Variants in OSBPL10 observed in about 807,000 individuals in gnomAD.
OSBPL10 encodes the protein oxysterol binding protein like 10.
Under a neutral mutation model 81.7 loss-of-function variants are expected in OSBPL10, and 49 were observed. The observed-to-expected ratio is 0.60, with a 90% CI of 0.48 to 0.76. The LOEUF is 0.76. Ranked by LOEUF, OSBPL10 falls within the 30% of genes least tolerant of loss-of-function variation. OSBPL10 has a pLI of 0.00. For missense variants in OSBPL10, 923 were observed against 987.8 expected (o/e 0.93, Z 0.88); for synonymous variants, 419 against 383.6 (o/e 1.09, Z -1.08).
chr3:31,764,534 G>A (rs1310394500), intron 4 of OSBPL10, among the ~76,000 whole-genome samples: 1 of 152,178 alleles, frequency 6.6e-6, no homozygotes, highest in Non-Finnish European at 1.5e-5. Flanking sequence ...AAGAAGGATC[G>A]AGTTCCAAAG....
In OSBPL10 at chr3:31,851,035, A is replaced by C. The variant is rs558039008; in HGVS notation, c.538-20804T>G. ...GGCTTCAAAACCAGAAAATCAAAGC[A>C]GTTATCCAAGGTCAGTATTTAAGTT... On this transcript the variant is annotated intron_variant, in intron 3 of 11. Coordinates refer to ENST00000396556, the MANE Select transcript of OSBPL10 (RefSeq NM_017784.5). Among the ~76,000 whole-genome samples, 13 of 152,344 alleles carry C rather than the reference A, an allele frequency of 8.5e-5. No homozygotes were observed. The East Asian group carries it at 1.5e-3, about 18-fold the overall frequency.
At chr3:31,712,820 A>G (rs949210574) in intron 6 of OSBPL10, among the ~76,000 whole-genome samples, 44 of 152,230 alleles carry the variant, frequency 2.9e-4, no homozygotes, top group Admixed American at 1.1e-3. Flanking sequence ...CAGACCTTTC[A>G]ATTCATACCT....
At chr3:32,018,196 T>C (rs977260309) in intron 2 of OSBPL10, among the ~76,000 whole-genome samples, 7 of 149,546 alleles carry the variant, frequency 4.7e-5, no homozygotes, top group Non-Finnish European at 1.0e-4. Flanking sequence ...ATAAATAAAA[T>C]GTCAAAAATT....
chr3:31,752,589 T>C (rs139106695), intron 4 of OSBPL10, among the ~76,000 whole-genome samples: 70 of 152,252 alleles, frequency 4.6e-4, no homozygotes, highest in African/African-American at 1.7e-3. Context: ...GAGTTAATGT[T>C]AATAGCATCA....
At chr3:31,916,110 A>C (rs1363775406) in intron 1 of OSBPL10, among the ~76,000 whole-genome samples, 2 of 151,856 alleles carry the variant, frequency 1.3e-5, no homozygotes, top group Non-Finnish European at 2.9e-5. Flanking sequence ...AAAAAAAAAA[A>C]AAAAAGAATC....
intron 11 of OSBPL10, chr3:31,663,878 C>T (rs1437736124): frequency 7.6e-6 from 11 of 1,453,976 alleles, no homozygotes; most frequent in Non-Finnish European, 9.0e-6. Flanking sequence ...TTCTGCCCTC[C>T]AGAAGGTTTC....
At chr3:31,957,680 G>A (rs542755575) in intron 1 of OSBPL10, among the ~76,000 whole-genome samples, 92 of 152,146 alleles carry the variant, frequency 6.0e-4, no homozygotes, top group African/African-American at 2.0e-3. Context: ...TTGCTCTGTC[G>A]CCCTGGCTGG....
At chr3:32,024,769 C>T (rs536714758) in intron 2 of OSBPL10, among the ~76,000 whole-genome samples, 64 of 152,130 alleles carry the variant, frequency 4.2e-4, no homozygotes, top group Non-Finnish European at 6.2e-4. Flanking sequence ...CTACCGTGCC[C>T]GGCCGGAATT....
chr3:31,794,667 A>G (rs1699139307), intron 4 of OSBPL10: 1 of 309,420 alleles, frequency 3.2e-6, no homozygotes, highest in South Asian at 4.2e-5. Flanking sequence ...AAGAGGCACC[A>G]TATAAGCAGA....
Position 31,668,834 on chromosome 3 carries a change from T to C in OSBPL10, c.1914-10A>G, listed in dbSNP as rs2125508080. 1 of 1,590,284 alleles carries C rather than the reference T, an allele frequency of 6.3e-7. No homozygotes were observed. Among genetic ancestry groups the C allele is most frequent in the East Asian group, 2.2e-5 (1 of 44,592 alleles). The stretch of plus-strand genomic sequence containing the variant: ...CACTTCTGCGGTAACCCTGAATTAA[T>C]GAGTCAAATGAGTACACACTTTTCA... On this transcript the variant is annotated splice_polypyrimidine_tract_variant and intron_variant, in intron 9 of 11. Coordinates refer to ENST00000396556, the MANE Select transcript of OSBPL10 (RefSeq NM_017784.5).
intron 2 of OSBPL10, chr3:31,989,164 G>A: frequency 3.1e-6 from 5 of 1,614,216 alleles, no homozygotes; most frequent in Non-Finnish European, 4.2e-6. Flanking sequence ...TTTTAGGGAT[G>A]TGGCTATAGA....
At chr3:31,952,169 C>G (rs1272256663) in intron 1 of OSBPL10, among the ~76,000 whole-genome samples, 1 of 151,596 alleles carries the variant, frequency 6.6e-6, no homozygotes, top group Non-Finnish European at 1.5e-5. Context: ...TTTTATTTTG[C>G]AAATGCAAAT....
intron 5 of OSBPL10, among the ~76,000 whole-genome samples, chr3:31,737,294 A>G (rs1016768996): frequency 5.9e-5 from 9 of 152,216 alleles, no homozygotes; most frequent in Non-Finnish European, 1.2e-4. Flanking sequence ...AGGCAAAAAA[A>G]CATTCTTACG....
intron 6 of OSBPL10, among the ~76,000 whole-genome samples, chr3:31,727,526 A>C (rs1696846161): frequency 6.6e-6 from 1 of 152,206 alleles, no homozygotes; most frequent in East Asian, 1.9e-4. Context: ...TTTAAACTTG[A>C]TCAATGATAT....
chr3:31,780,226 G>C (rs149828820), intron 4 of OSBPL10, among the ~76,000 whole-genome samples: 9,736 of 152,194 alleles, frequency 0.064, 657 homozygotes, highest in African/African-American at 0.18. Flanking sequence ...CCGGGAGGCA[G>C]AGCTTGCAGT....
rs116680487 is a variant in OSBPL10, at chr3:32,035,063, T to C, written n.298+11428A>G. ...AAGCAGCAGTGTCTACACTCAGACA[T>C]TCACATCACACATACAGCTAGCCAC... On this transcript the variant is annotated intron_variant and non_coding_transcript_variant, in intron 2 of 3. Coordinates refer to the OSBPL10 transcript ENST00000479173. 6.6e-3 allele frequency among the ~76,000 whole-genome samples: 1,011 copies of C among 152,186 alleles called. 12 individuals carry two copies. The highest frequency in any genetic ancestry group is 0.023 in the African/African-American group (961 of 41,520).
chr3:31,706,125 T>C (rs1696056631), intron 6 of OSBPL10, among the ~76,000 whole-genome samples: 1 of 152,116 alleles, frequency 6.6e-6, no homozygotes, highest in Non-Finnish European at 1.5e-5. Context: ...GCTACAAAAA[T>C]CAAGCAACTG....
chr3:32,073,737 C>G (rs1181816711), intron 1 of OSBPL10, among the ~76,000 whole-genome samples: 2 of 152,170 alleles, frequency 1.3e-5, no homozygotes, highest in African/African-American at 4.8e-5. Flanking sequence ...CCATTCTCAA[C>G]TACTCATAAA....
chr3:31,683,444 C>G (rs1214055087), intron 8 of OSBPL10, among the ~76,000 whole-genome samples, 190 bp downstream of exon 8: 1 of 152,170 alleles, frequency 6.6e-6, no homozygotes, highest in Non-Finnish European at 1.5e-5. Context: ...GTTACCTTGG[C>G]CCCGCTGGGA....
Sources: allele counts gnomAD v4.1 joint callset (sites outside exome capture counted in the v4.1 genomes callset), GRCh38; gene constraint gnomAD v4.1.1; transcripts MANE v1.5; gene names NCBI Gene and HGNC (gene_info 2026-07-23, HGNC 2026-07-21).